TMEM233: variants seen among roughly 807,000 people sequenced by gnomAD.
TMEM233 encodes the protein transmembrane protein 233.
Under a neutral mutation model 11.2 loss-of-function variants are expected in TMEM233, and 6 were observed. That is an observed-to-expected ratio of 0.54 (90% CI 0.29 to 1.06). The LOEUF (loss-of-function observed/expected upper bound fraction) is 1.06, where lower values mean the gene tolerates loss of function less well. Ranked by LOEUF, TMEM233 falls within the 50% of genes least tolerant of loss-of-function variation. The pLI, the probability that TMEM233 is intolerant of heterozygous loss-of-function variation, is 0.08. For missense variants in TMEM233, 127 were observed against 144.7 expected (o/e 0.88, Z 0.63); for synonymous variants, 59 against 55.8 (o/e 1.06, Z -0.26).
intron 1 of TMEM233, among the ~76,000 whole-genome samples, chr12:119,618,227 T>C (rs1214554892): frequency 6.6e-6 from 1 of 152,212 alleles, no homozygotes; most frequent in Non-Finnish European, 1.5e-5. Flanking sequence ...TCCACCTAGA[T>C]TTCAGAGGAT....
chr12:119,612,422 C>G (rs905113711), intron 1 of TMEM233, among the ~76,000 whole-genome samples: 3 of 152,116 alleles, frequency 2.0e-5, no homozygotes, highest in Non-Finnish European at 4.4e-5. Flanking sequence ...CCAGACCAGC[C>G]TGGGCAACAC....
intron 1 of TMEM233, among the ~76,000 whole-genome samples, chr12:119,620,873 G>A (rs1002887306): frequency 2.0e-5 from 3 of 152,022 alleles, no homozygotes; most frequent in African/African-American, 7.2e-5. Context: ...GATACTGTTT[G>A]TATTTTTATA....
intron 1 of TMEM233, among the ~76,000 whole-genome samples, chr12:119,598,467 T>C (rs1013586376): frequency 2.0e-5 from 3 of 152,222 alleles, no homozygotes; most frequent in Non-Finnish European, 4.4e-5. Flanking sequence ...AGCACATCTG[T>C]CTCACACCTA....
At position 119,641,022 on chromosome 12, in the gene TMEM233, C is replaced by T. The variant is rs988143282; in HGVS notation, c.*317C>T. 6.7e-5 allele frequency: 21 copies of T among 315,508 alleles called. No individual in the cohort carries two copies. Among genetic ancestry groups the T allele is most frequent in the South Asian group, 4.5e-4 (6 of 13,248 alleles). The allele number at this position is 315,508 out of a possible 1,614,324, so 19.5% of individuals were successfully genotyped here. On this transcript the variant is annotated 3_prime_UTR_variant, in exon 3 of 3. Transcript: ENST00000426426. Reference sequence around the variant, plus strand: ...TGTGTCCACTCCTGTCCTCCAGAGGCGAGCCTCAGGAAATCACATAACTTT... The same window carrying T: ...TGTGTCCACTCCTGTCCTCCAGAGGTGAGCCTCAGGAAATCACATAACTTT...
At chr12:119,644,215 T>C (rs932723860), downstream of TMEM233, among the ~76,000 whole-genome samples, 3 of 152,178 alleles carry the variant, frequency 2.0e-5, no homozygotes, top group Non-Finnish European at 4.4e-5. Flanking sequence ...GGTGCCCTCA[T>C]TGGCCAGGCT....
downstream of TMEM233, among the ~76,000 whole-genome samples, chr12:119,645,702 G>T (rs961899416): frequency 6.6e-5 from 10 of 152,162 alleles, no homozygotes; most frequent in Non-Finnish European, 1.3e-4. Flanking sequence ...CCTCGGGTGA[G>T]CAGCCAGTCA....
At chr12:119,604,953 G>A (rs1330795785) in intron 1 of TMEM233, among the ~76,000 whole-genome samples, 1 of 150,796 alleles carries the variant, frequency 6.6e-6, no homozygotes, top group African/African-American at 2.4e-5. Context: ...TTTTTAATGA[G>A]TCTCCGTAGC....
intron 1 of TMEM233, among the ~76,000 whole-genome samples, chr12:119,602,990 C>T (rs925958057): frequency 3.9e-5 from 6 of 152,156 alleles, no homozygotes; most frequent in Admixed American, 6.5e-5. Flanking sequence ...CACGGAAGCT[C>T]ATGCCTGTAA....
chr12:119,620,253 T>C (rs2136737190), intron 1 of TMEM233, among the ~76,000 whole-genome samples: 1 of 152,318 alleles, frequency 6.6e-6, no homozygotes, highest in Non-Finnish European at 1.5e-5. Flanking sequence ...GGGGAAACAA[T>C]AGATTGATAA....
In TMEM233 at chr12:119,594,591, G is replaced by C. The variant is rs1041490529; in HGVS notation, c.186+557G>C. 1 of 153,668 alleles carries C rather than the reference G, an allele frequency of 6.5e-6. No homozygotes were observed. The highest frequency in any genetic ancestry group is 1.4e-5 in the Non-Finnish European group (1 of 69,324). 9.5% of individuals were successfully genotyped at this position (153,668 alleles called of 1,614,324 possible). A position where few individuals can be genotyped will look rare whatever the true frequency, so the allele number is the denominator to read the frequency against. On this transcript the variant is annotated intron_variant, in intron 1 of 2. Coordinates refer to ENST00000426426, the MANE Select transcript of TMEM233 (RefSeq NM_001136534.3). The surrounding 1 kb of genome is among the most constrained non-coding windows in gnomAD (Gnocchi z 5.6). The stretch of plus-strand genomic sequence containing the variant: ...CACCGCTTCCGCCACTCTCCGGGGG[G>C]TCCCCAGGCGATTCCTGATGCCCCC...
chr12:119,620,780 A>G (rs759232669), intron 1 of TMEM233, among the ~76,000 whole-genome samples: 1 of 152,222 alleles, frequency 6.6e-6, no homozygotes, highest in Non-Finnish European at 1.5e-5. Context: ...CAAGAATAAG[A>G]TAGACTTGGA....
Position 119,593,881 on chromosome 12 carries a change from G to A in TMEM233, c.33G>A (p.Lys11=), listed in dbSNP as rs764551005. ...AGTACGCCCCTAGCCCGGACTTCAA[G>A]AGGGCTTTGGACAGCAGTCCCGAGG... The part of the protein sequence containing the change: MSQYAPSPDF[K]RALDSSPEAN... The change falls in exon 1 of 3, where the codon AAG becomes AAA. Residue 11 remains lysine (K), a synonymous_variant. Transcript: ENST00000426426. This position sits in a 1 kb window ranked among gnomAD's most constrained non-coding sequence, Gnocchi z 4.1. 1.2e-5 allele frequency: 18 copies of A among 1,551,576 alleles called. No individual in the cohort carries two copies. The African/African-American group carries it at 2.3e-4, about 20-fold the overall frequency.
At chr12:119,637,829 G>A (rs1158451773) in intron 2 of TMEM233, among the ~76,000 whole-genome samples, 1 of 152,134 alleles carries the variant, frequency 6.6e-6, no homozygotes, top group Non-Finnish European at 1.5e-5. Flanking sequence ...TTAAAAAGAT[G>A]TTCAACCTCA....
intron 1 of TMEM233, among the ~76,000 whole-genome samples, chr12:119,618,935 T>A (rs1954590392): frequency 6.6e-6 from 1 of 152,180 alleles, no homozygotes; most frequent in Non-Finnish European, 1.5e-5. Flanking sequence ...AGGAGTGCAA[T>A]GATATGGTTT....
At chr12:119,602,841 T>G (rs1041163736) in intron 1 of TMEM233, among the ~76,000 whole-genome samples, 3 of 152,150 alleles carry the variant, frequency 2.0e-5, no homozygotes, top group African/African-American at 4.8e-5. Context: ...TATGTGGGGA[T>G]AGAGATAAAA....
chr12:119,621,303 T>C lies in TMEM233; in HGVS notation c.187-8433T>C, dbSNP rs1272101424. On this transcript the variant is annotated intron_variant, in intron 1 of 2. Coordinates refer to ENST00000426426, the MANE Select transcript of TMEM233 (RefSeq NM_001136534.3). ...GATCCCCTGCCTTGGCCTCCCAAAG[T>C]GTTGGGATTACAGGCATGAATCACT... is the stretch of plus-strand genomic sequence containing the variant. Among the ~76,000 whole-genome samples, 3 of 152,296 alleles carry C rather than the reference T, an allele frequency of 2.0e-5. No individual in the cohort carries two copies. The East Asian group carries it at 5.8e-4, about 29-fold the overall frequency.
downstream of TMEM233, among the ~76,000 whole-genome samples, chr12:119,647,807 A>G (rs905655946): frequency 2.4e-5 from 2 of 84,826 alleles, no homozygotes; most frequent in Non-Finnish European, 4.3e-5. Context: ...CCAGTGTGTT[A>G]TGTTCCCCTC....
chr12:119,630,388 A>C (rs548485253), intron 2 of TMEM233, among the ~76,000 whole-genome samples: 3 of 152,226 alleles, frequency 2.0e-5, no homozygotes, highest in Non-Finnish European at 4.4e-5. Flanking sequence ...TAGCTGCTCT[A>C]TCTAGGACAG....
intron 1 of TMEM233, among the ~76,000 whole-genome samples, chr12:119,616,448 C>T (rs1400397684): frequency 6.6e-6 from 1 of 152,202 alleles, no homozygotes; most frequent in East Asian, 1.9e-4. Flanking sequence ...CAACTGGCTG[C>T]TTAGCACCCT....
Sources: gnomAD v4.1 joint callset for allele counts (sites outside exome capture counted in the v4.1 genomes callset) on GRCh38, gnomAD v4.1.1 for gene constraint, Gnocchi (gnomAD v3.1) non-coding constraint, MANE v1.5 for transcripts, NCBI Gene and HGNC (gene_info 2026-07-23, HGNC 2026-07-21) for gene names.